CMSS1: variants seen among roughly 807,000 people sequenced by gnomAD.
The protein encoded by CMSS1 is protein CMSS1.
CMSS1 carries 33 observed loss-of-function variants against 43.5 expected under a neutral mutation model. The observed-to-expected ratio is 0.76, with a 90% CI of 0.57 to 1.01. The LOEUF is 1.01. CMSS1 is among the 50% of genes least tolerant of loss of function. CMSS1 has a pLI of 0.00. For missense variants in CMSS1, 313 were observed against 326.4 expected (o/e 0.96, Z 0.32); for synonymous variants, 115 against 117.2 (o/e 0.98, Z 0.12).
chr3:99,858,693 A>T (rs1053859910), intron 1 of CMSS1, among the ~76,000 whole-genome samples: 2 of 152,208 alleles, frequency 1.3e-5, no homozygotes, highest in African/African-American at 4.8e-5. Flanking sequence ...ATCACACGTC[A>T]TGGAGCCTCT....
intron 1 of CMSS1, among the ~76,000 whole-genome samples, chr3:100,053,786 C>G (rs192817985): frequency 6.6e-6 from 1 of 152,166 alleles, no homozygotes; most frequent in Non-Finnish European, 1.5e-5. Flanking sequence ...CACAGAAACC[C>G]TAACTAATCA....
At chr3:100,009,157 C>G (rs574157904) in intron 1 of CMSS1, among the ~76,000 whole-genome samples, 1 of 152,154 alleles carries the variant, frequency 6.6e-6, no homozygotes, top group Non-Finnish European at 1.5e-5. Flanking sequence ...AGTGACTGAA[C>G]TTACTGAGGC....
chr3:100,150,430 C>T (rs1311066702), intron 2 of CMSS1, among the ~76,000 whole-genome samples: 1 of 152,102 alleles, frequency 6.6e-6, no homozygotes, highest in African/African-American at 2.4e-5. Flanking sequence ...TTTCTTTATG[C>T]TTGTACAGGA....
chr3:100,129,105 C>T (rs532261079), intron 1 of CMSS1, among the ~76,000 whole-genome samples: 3 of 152,310 alleles, frequency 2.0e-5, no homozygotes, highest in South Asian at 2.1e-4. Context: ...ACCCCTAGCC[C>T]GTACCTCACA....
At chr3:99,848,112 A>C in intron 1 of CMSS1, 5 of 1,456,194 alleles carry the variant, frequency 3.4e-6, no homozygotes, top group Non-Finnish European at 4.5e-6. Context: ...ACTCGATATG[A>C]CTATGCAGGC....
chr3:99,946,142 G>A (rs528403466), intron 1 of CMSS1, among the ~76,000 whole-genome samples: 15 of 152,354 alleles, frequency 9.8e-5, no homozygotes, highest in African/African-American at 3.4e-4. Context: ...AGCTTTCAGA[G>A]TTGACAAAAG....
chr3:100,064,852 G>A (rs2065635864), intron 1 of CMSS1, among the ~76,000 whole-genome samples: 1 of 149,624 alleles, frequency 6.7e-6, no homozygotes, highest in Non-Finnish European at 1.5e-5. Context: ...AAAAAGATTG[G>A]TAGAGGGCAG....
intron 1 of CMSS1, among the ~76,000 whole-genome samples, chr3:99,879,309 G>T (rs540413525): frequency 1.3e-5 from 2 of 152,192 alleles, no homozygotes; most frequent in Non-Finnish European, 2.9e-5. Flanking sequence ...GTCAAAGACA[G>T]CTTAATATCA....
chr3:100,005,171 T>A (rs925763632), intron 1 of CMSS1, among the ~76,000 whole-genome samples: 2 of 152,214 alleles, frequency 1.3e-5, no homozygotes, highest in Non-Finnish European at 2.9e-5. Context: ...CCAGGAAACC[T>A]CCCTTTCTTT....
At chr3:100,087,654 GT>G (rs898007456) in intron 1 of CMSS1, among the ~76,000 whole-genome samples, 2 of 151,716 alleles carry the variant, frequency 1.3e-5, no homozygotes, top group African/African-American at 4.8e-5. Context: ...TAACTTGCGA[GT>G]TTTTTTCCCC....
rs138947318 is a variant in CMSS1, at chr3:99,968,818, G to A, written c.64+150775G>A. Among the ~76,000 whole-genome samples the A allele has an allele frequency of 4.4e-3, 673 of 152,290 alleles. 2 individuals carry two copies. The highest frequency in any genetic ancestry group is 0.015 in the African/African-American group (619 of 41,550). On this transcript the variant is annotated intron_variant, in intron 1 of 9. Coordinates refer to ENST00000421999, the MANE Select transcript of CMSS1 (RefSeq NM_032359.4). The stretch of plus-strand genomic sequence containing the variant: ...GAGAAGTTTCAGTCCAGTGGCCAGG[G>A]CAGAATGACATTGTGTCTTGTTTTA...
At position 100,005,524 on chromosome 3, in the gene CMSS1, C is replaced by T. The variant is rs567198087; in HGVS notation, c.65-141449C>T. 5.3e-5 allele frequency among the ~76,000 whole-genome samples: 8 copies of T among 152,268 alleles called. No individual in the cohort carries two copies. In the East Asian group the frequency reaches 1.5e-3, roughly 29 times the overall value. On this transcript the variant is annotated intron_variant, in intron 1 of 9. Transcript: ENST00000421999. ...CTTATGAAGTCTAGATTTTAAGAAC[C>T]CTGGTTTAGGAAATGTGAGTGTAGT...
Position 100,097,918 on chromosome 3 carries a change from TATC to T in CMSS1, c.65-49052_65-49050del, listed in dbSNP as rs765472809. On this transcript the variant is annotated intron_variant, in intron 1 of 9. Transcript: ENST00000421999. Reference sequence around the variant, plus strand: ...TATATTTTTACTCAGTAGAAACTCTTATCATTTATTTTGTTGGTTTTTTAAAAT... The same window carrying T: ...TATATTTTTACTCAGTAGAAACTCTTATTTATTTTGTTGGTTTTTTAAAAT... 2.6e-5 allele frequency among the ~76,000 whole-genome samples: 4 copies of T among 152,308 alleles called. No homozygotes were observed. In the South Asian group the frequency reaches 8.3e-4, roughly 32 times the overall value.
intron 1 of CMSS1, among the ~76,000 whole-genome samples, chr3:100,023,168 G>T (rs773475057): frequency 6.6e-6 from 1 of 152,206 alleles, no homozygotes; most frequent in Non-Finnish European, 1.5e-5. Flanking sequence ...CAGACCAGGT[G>T]GCTGGGTGTA....
chr3:99,940,623 A>G (rs1258541357), intron 1 of CMSS1, among the ~76,000 whole-genome samples: 1 of 152,172 alleles, frequency 6.6e-6, no homozygotes, highest in Admixed American at 6.5e-5. Flanking sequence ...TCATAGGCCA[A>G]CCCCTGTTTC....
intron 6 of CMSS1, among the ~76,000 whole-genome samples, chr3:100,171,360 CA>C (rs2067108553): frequency 6.6e-6 from 1 of 152,026 alleles, no homozygotes; most frequent in African/African-American, 2.4e-5. Context: ...TTCCCCCTTT[CA>C]AGCTCATCTC....
At chr3:99,855,247 C>T (rs1457405518) in intron 1 of CMSS1, among the ~76,000 whole-genome samples, 1 of 152,086 alleles carries the variant, frequency 6.6e-6, no homozygotes, top group Admixed American at 6.5e-5. Flanking sequence ...AAAATCTGTC[C>T]ACATTTCTGG....
At chr3:99,996,024 A>T (rs1709668795) in intron 1 of CMSS1, among the ~76,000 whole-genome samples, 1 of 152,222 alleles carries the variant, frequency 6.6e-6, no homozygotes, top group African/African-American at 2.4e-5. Context: ...AAATTTCTGC[A>T]GCTGGCTTGA....
At chr3:100,163,060 A>G (rs2067037887) in intron 4 of CMSS1, among the ~76,000 whole-genome samples, 1 of 152,242 alleles carries the variant, frequency 6.6e-6, no homozygotes, top group South Asian at 2.1e-4. Flanking sequence ...TAACTGATAG[A>G]TTATATCCTT....
Sources: gnomAD v4.1 joint callset for allele counts (sites outside exome capture counted in the v4.1 genomes callset) on GRCh38, gnomAD v4.1.1 for gene constraint, MANE v1.5 for transcripts, NCBI Gene and HGNC (gene_info 2026-07-23, HGNC 2026-07-21) for gene names.